Variants in CC2D2A observed in about 807,000 individuals in gnomAD.
CC2D2A encodes coiled-coil and C2 domain-containing protein 2A.
Under a neutral mutation model 212.9 loss-of-function variants are expected in CC2D2A, and 155 were observed. The ratio of observed to expected loss-of-function variants is 0.73; its 90% CI spans 0.64 to 0.83. The LOEUF is 0.83. Ranked by LOEUF, CC2D2A falls within the 40% of genes least tolerant of loss-of-function variation. The probability of loss-of-function intolerance (pLI) is 0.00; values close to 1 mark genes in which losing one functional copy is unlikely to be tolerated. For missense variants in CC2D2A, 1,856 were observed against 1,956.2 expected, an observed-to-expected ratio of 0.95 and a Z score of 0.97; for synonymous variants, 667 against 686.5, an observed-to-expected ratio of 0.97 and a Z score of 0.44.
intron 13 of CC2D2A, among the ~76,000 whole-genome samples, 195 bp from the exon 14 acceptor site, chr4:15,532,998 A>G (rs1717926838): frequency 6.6e-6 from 1 of 152,268 alleles, no homozygotes. Context: ...CCTAAAGAGA[A>G]CAAAATCAAG....
At chr4:15,561,611 T>C (rs1045734620) in intron 23 of CC2D2A, 5 of 151,816 alleles carry the variant, frequency 3.3e-5, no homozygotes, top group Non-Finnish European at 7.3e-5. Context: ...GGGTATGTTC[T>C]TTCTTCTTTT....
At chr4:15,528,839 C>T (rs891256568) in intron 13 of CC2D2A, 113 bp downstream of exon 13, 6 of 670,502 alleles carry the variant, frequency 8.9e-6, no homozygotes. Context: ...TGAAATTATG[C>T]CATATAAAAC....
chr4:15,559,030 CA>C, intron 21 of CC2D2A, 134 bp from the exon 22 acceptor site: 1 of 666,710 alleles, frequency 1.5e-6, no homozygotes. Flanking sequence ...AATTCTGAAC[CA>C]AAAGTTAGGA....
intron 33 of CC2D2A, among the ~76,000 whole-genome samples, chr4:15,591,159 T>G (rs1329943983): frequency 6.6e-6 from 1 of 152,108 alleles, no homozygotes; most frequent in African/African-American, 2.4e-5. Flanking sequence ...AAACATGAAA[T>G]CTATTTTTTT....
intron 10 of CC2D2A, 73 bp from the exon 11 acceptor site, chr4:15,516,552 T>C: frequency 7.1e-7 from 1 of 1,417,686 alleles, no homozygotes. Flanking sequence ...TTTCAAGAAA[T>C]GTTGTTTGTG....
At chr4:15,496,985 T>C (rs1253248008) in intron 4 of CC2D2A, among the ~76,000 whole-genome samples, 1 of 152,240 alleles carries the variant, frequency 6.6e-6, no homozygotes, top group African/African-American at 2.4e-5. Flanking sequence ...TTGGACATAC[T>C]GCTCAAGGCA....
At chr4:15,566,101 T>G (rs1577381465) in intron 24 of CC2D2A, among the ~76,000 whole-genome samples, 1 of 152,318 alleles carries the variant, frequency 6.6e-6, no homozygotes, top group East Asian at 1.9e-4. Context: ...AACCATAAGG[T>G]TCAATACAAA....
At position 15,589,692 on chromosome 4, in the gene CC2D2A, A is replaced by AC; in HGVS notation, c.4314+13_4314+14insC. The stretch of plus-strand genomic sequence containing the variant: ...AGGTCCTGACAATGTAAGTATTAAC[A>AC]TTTCTTCTTAAATATGGTTAGCTGT... On this transcript the variant is annotated intron_variant, in intron 33 of 36. Coordinates refer to ENST00000424120, the MANE Select transcript of CC2D2A (RefSeq NM_001378615.1). 6.8e-7 allele frequency: 1 copy of AC among 1,462,056 alleles called. No individual in the cohort carries two copies. Among genetic ancestry groups the AC allele is most frequent in the South Asian group, 1.7e-5 (1 of 60,184 alleles). The allele number at this position is 1,462,056 out of a possible 1,614,324, so 90.6% of individuals were successfully genotyped here. A position where few individuals can be genotyped will look rare whatever the true frequency, so the allele number is the denominator to read the frequency against.
intron 23 of CC2D2A, among the ~76,000 whole-genome samples, chr4:15,562,655 C>T (rs1719668374): frequency 6.6e-6 from 1 of 152,250 alleles, no homozygotes; most frequent in South Asian, 2.1e-4. Flanking sequence ...GCTTTACACA[C>T]ACTTCCTTAT....
intron 30 of CC2D2A, among the ~76,000 whole-genome samples, chr4:15,585,231 AT>A (rs1283130342): frequency 3.9e-5 from 6 of 152,332 alleles, no homozygotes; most frequent in African/African-American, 1.4e-4. Context: ...TAGCCAAGAT[AT>A]GGAATCAAGC....
chr4:15,502,682 T>C (rs1716028125), intron 5 of CC2D2A, 140 bp from the exon 6 acceptor site: 1 of 1,000,002 alleles, frequency 1.0e-6, no homozygotes, highest in Non-Finnish European at 1.5e-6. Context: ...AGATGAAAAT[T>C]ATGCTTCAGA....
chr4:15,510,361 C>A, intron 7 of CC2D2A, 121 bp downstream of exon 7: 2 of 759,816 alleles, frequency 2.6e-6, no homozygotes, highest in Non-Finnish European at 4.4e-6. Context: ...TTTGGGAGGC[C>A]AAGACAGGCA....
chr4:15,473,368 A>C (rs1288731553), intron 1 of CC2D2A: 1 of 152,192 alleles, frequency 6.6e-6, no homozygotes, highest in Non-Finnish European at 1.5e-5. Context: ...TGGTCAGAGA[A>C]GAGCTCTCTG....
chr4:15,533,871 G>A (rs1472203089), intron 14 of CC2D2A, among the ~76,000 whole-genome samples: 5 of 152,038 alleles, frequency 3.3e-5, no homozygotes, highest in Non-Finnish European at 7.4e-5. Context: ...TTTTGTACTT[G>A]TCTTTTAGGG....
chr4:15,496,718 C>T (rs555119263), intron 4 of CC2D2A, among the ~76,000 whole-genome samples: 6 of 152,236 alleles, frequency 3.9e-5, no homozygotes, highest in African/African-American at 1.4e-4. Flanking sequence ...AGCAAAGCTT[C>T]AGAATACAAA....
intron 33 of CC2D2A, among the ~76,000 whole-genome samples, chr4:15,593,990 A>G (rs965080866): frequency 6.6e-6 from 1 of 152,054 alleles, no homozygotes; most frequent in Non-Finnish European, 1.5e-5. Flanking sequence ...AATCTTCATA[A>G]TGGCCTACGG....
chr4:15,587,977 C>T, intron 32 of CC2D2A, 48 bp downstream of exon 32: 3 of 1,059,324 alleles, frequency 2.8e-6, no homozygotes, highest in Admixed American at 4.0e-5. Flanking sequence ...GTTGTCTAAT[C>T]GAGTTGTGTG....
At chr4:15,585,597 A>G (rs886840429) in intron 30 of CC2D2A, among the ~76,000 whole-genome samples, 1 of 152,210 alleles carries the variant, frequency 6.6e-6, no homozygotes, top group African/African-American at 2.4e-5. Context: ...GTTAATAATA[A>G]TGTATAGTAT....
chr4:15,478,741 G>A lies in CC2D2A; in HGVS notation c.58G>A (p.Glu20Lys), dbSNP rs1714407144. Residue 20 changes from glutamate (E) to lysine (K), a missense_variant, in exon 3 of 37, where the codon GAG becomes AAG. By Grantham distance (56) the Glu-to-Lys change is moderately conservative (BLOSUM62 1). This residue lies in a region of CC2D2A where 1,512 missense variants were observed against 1,579.3 expected (regional missense o/e 0.96). Transcript: ENST00000424120. ...IITEEFIEND[E>K]DADMGRQNKN... ...CACAAAGGAGTTCATTGAAAATGAT[G>A]AGGATGCAGACATGGGAAGACAGAA... The A allele has an allele frequency of 6.4e-7, 1 of 1,554,754 alleles. No individual in the cohort carries two copies. The highest frequency in any genetic ancestry group is 8.7e-7 in the Non-Finnish European group (1 of 1,148,716).
Sources: allele counts gnomAD v4.1 joint callset (sites outside exome capture counted in the v4.1 genomes callset), GRCh38; gene constraint gnomAD v4.1.1; regional missense constraint gnomAD v4.1.1; transcripts MANE v1.5; gene names NCBI Gene and HGNC (gene_info 2026-07-23, HGNC 2026-07-21).